RGS6: variants seen among roughly 807,000 people sequenced by gnomAD.
RGS6 encodes regulator of G protein signaling 6, also known as regulator of G-protein signaling 6.
Under a neutral mutation model 78.5 loss-of-function variants are expected in RGS6, and 30 were observed. That is an observed-to-expected ratio of 0.38 (90% CI 0.29 to 0.52). RGS6 has a LOEUF of 0.52. RGS6 is among the 20% of genes least tolerant of loss of function. RGS6 has a pLI of 0.85. For synonymous variants in RGS6, 206 were observed against 206.0 expected, an observed-to-expected ratio of 1.00 and a Z score of 0.00; for missense variants, 495 against 609.7, an observed-to-expected ratio of 0.81 and a Z score of 1.98.
intron 2 of RGS6, among the ~76,000 whole-genome samples, chr14:72,313,495 A>G (rs973561142): frequency 6.6e-6 from 1 of 151,874 alleles, no homozygotes; most frequent in African/African-American, 2.4e-5. Flanking sequence ...AATCCCTGGG[A>G]GGGGGGGCTT....
At chr14:72,013,883 G>A (rs41488847) in intron 2 of RGS6, among the ~76,000 whole-genome samples, 11,937 of 152,128 alleles carry the variant, frequency 0.078, 1,079 homozygotes, top group East Asian at 0.21. Flanking sequence ...CCCTTACTCC[G>A]TGCTGGTCGT....
intron 2 of RGS6, among the ~76,000 whole-genome samples, chr14:72,275,249 C>T (rs1455200503): frequency 6.6e-6 from 1 of 152,116 alleles, no homozygotes; most frequent in Non-Finnish European, 1.5e-5. Context: ...TTAAATGACA[C>T]AATAATTAGA....
chr14:72,474,080 G>A lies in RGS6; in HGVS notation c.619-545G>A, dbSNP rs1040739088. ...GAAACACACATATCAGGCTACTCAA[G>A]GTACAACTACTGAGTAAGGAGTTAT... On this transcript the variant is annotated intron_variant, in intron 9 of 17. Coordinates refer to ENST00000553525, the MANE Select transcript of RGS6 (RefSeq NM_001204424.2). The A allele has an allele frequency of 2.6e-5, 4 of 152,280 alleles. 1 individual carries two copies. Among genetic ancestry groups the A allele is most frequent in the African/African-American group, 9.6e-5 (4 of 41,534 alleles). 9.4% of individuals were successfully genotyped at this position (152,280 alleles called of 1,614,324 possible). A position where few individuals can be genotyped will look rare whatever the true frequency, so the allele number is the denominator to read the frequency against.
intron 2 of RGS6, among the ~76,000 whole-genome samples, chr14:72,231,140 A>C (rs533428833): frequency 6.6e-6 from 1 of 152,290 alleles, no homozygotes; most frequent in South Asian, 2.1e-4. Context: ...ATGGTGGACA[A>C]AGTCCCTCAG....
chr14:72,381,313 C>CA (rs946462463), intron 3 of RGS6, among the ~76,000 whole-genome samples: 6 of 151,680 alleles, frequency 4.0e-5, no homozygotes, highest in Non-Finnish European at 8.8e-5. Context: ...GTTTTCAACA[C>CA]AAAAAAAGAT....
At chr14:71,968,064 A>G (rs1264383009) in intron 2 of RGS6, among the ~76,000 whole-genome samples, 2 of 152,194 alleles carry the variant, frequency 1.3e-5, no homozygotes, top group Non-Finnish European at 2.9e-5. Context: ...TGTATTGGTC[A>G]CATTAAAGAT....
At chr14:71,883,774 A>G in the RGS6 span, among the ~76,000 whole-genome samples, 4 of 152,258 alleles carry the variant, frequency 2.6e-5, no homozygotes, top group Non-Finnish European at 5.9e-5. Context: ...ATGTATTAGC[A>G]TGCTAAAAGA....
rs543158607 is a variant in RGS6, at chr14:72,453,187, C to T, written c.185-1341C>T. On this transcript the variant is annotated intron_variant, in intron 3 of 17. Coordinates refer to ENST00000553525, the MANE Select transcript of RGS6 (RefSeq NM_001204424.2). ...TTCAGATAAATCAAGGCTGATTTAACTGGGTCAGGCTGGGTAGGGGGGAGT... is the reference window on the plus strand; with the variant it reads ...TTCAGATAAATCAAGGCTGATTTAATTGGGTCAGGCTGGGTAGGGGGGAGT... Among the ~76,000 whole-genome samples, 3 of 152,214 alleles carry T rather than the reference C, an allele frequency of 2.0e-5. No individual in the cohort carries two copies. The South Asian group carries it at 6.2e-4, about 32-fold the overall frequency.
At chr14:72,551,561 C>G (rs1355208118) in intron 17 of RGS6, among the ~76,000 whole-genome samples, 1 of 152,146 alleles carries the variant, frequency 6.6e-6, no homozygotes, top group Non-Finnish European at 1.5e-5. Context: ...CTCGTGTGAC[C>G]CCTTGAGAAC....
intron 3 of RGS6, among the ~76,000 whole-genome samples, chr14:72,396,977 A>G (rs571282527): frequency 1.7e-4 from 26 of 152,290 alleles, no homozygotes; most frequent in South Asian, 1.2e-3. Context: ...GTCAGGTAGC[A>G]TGATGCCTCC....
intron 2 of RGS6, among the ~76,000 whole-genome samples, chr14:72,178,228 A>G (rs1284337582): frequency 6.6e-6 from 1 of 152,154 alleles, no homozygotes; most frequent in Non-Finnish European, 1.5e-5. Flanking sequence ...GCTATCTCTC[A>G]TACTCTTCCA....
chr14:72,406,240 C>T (rs1311507551), intron 3 of RGS6, among the ~76,000 whole-genome samples: 1 of 151,990 alleles, frequency 6.6e-6, no homozygotes, highest in Non-Finnish European at 1.5e-5. Context: ...AAAAATCAGC[C>T]GGGCGCAGTG....
intron 2 of RGS6, among the ~76,000 whole-genome samples, chr14:72,049,263 G>A (rs954121010): frequency 2.0e-5 from 3 of 152,150 alleles, no homozygotes; most frequent in African/African-American, 7.2e-5. Context: ...GAGGAATATG[G>A]GAGTAGGAAA....
In RGS6 at chr14:72,035,498, C is replaced by T. The variant is rs553757526; in HGVS notation, c.84+70623C>T. Among the ~76,000 whole-genome samples the T allele has an allele frequency of 7.3e-5, 11 of 151,408 alleles. 1 individual carries two copies. The South Asian group carries it at 2.3e-3, about 32-fold the overall frequency. Reference sequence around the variant, plus strand: ...TTTTTACTCTAGTCTTTATTATTTCCCTCTTTCTCGCAACTTTGGGTTTAG... The same window carrying T: ...TTTTTACTCTAGTCTTTATTATTTCTCTCTTTCTCGCAACTTTGGGTTTAG... On this transcript the variant is annotated intron_variant, in intron 2 of 17. Coordinates refer to ENST00000553525, the MANE Select transcript of RGS6 (RefSeq NM_001204424.2).
At chr14:72,085,853 C>CAAAA (rs35951230) in intron 2 of RGS6, among the ~76,000 whole-genome samples, 27 of 72,704 alleles carry the variant, frequency 3.7e-4, no homozygotes, top group East Asian at 5.1e-4. Flanking sequence ...GACACCATCT[C>CAAAA]AAAAAAAAAA....
At chr14:72,490,454 A>G (rs1253499403) in intron 12 of RGS6, among the ~76,000 whole-genome samples, 1 of 152,216 alleles carries the variant, frequency 6.6e-6, no homozygotes, top group East Asian at 1.9e-4. Context: ...GCCTGGCCCC[A>G]GGGAAGATGC....
At chr14:72,503,516 A>G (rs1399315970) in intron 13 of RGS6, among the ~76,000 whole-genome samples, 4 of 152,176 alleles carry the variant, frequency 2.6e-5, no homozygotes, top group Non-Finnish European at 1.5e-5. Flanking sequence ...CAAACAAGTT[A>G]TGTGCTTCCA....
At chr14:72,145,899 A>G (rs1314005680) in intron 2 of RGS6, among the ~76,000 whole-genome samples, 3 of 152,240 alleles carry the variant, frequency 2.0e-5, no homozygotes, top group Non-Finnish European at 4.4e-5. Context: ...TGGAAGTGAT[A>G]TTTAAGGGAA....
At chr14:72,547,582 T>C (rs2097427225) in intron 17 of RGS6, among the ~76,000 whole-genome samples, 1 of 152,218 alleles carries the variant, frequency 6.6e-6, no homozygotes, top group Non-Finnish European at 1.5e-5. Flanking sequence ...AATGGGACAC[T>C]GCCGGGGGTG....
Sources: allele counts gnomAD v4.1 joint callset (sites outside exome capture counted in the v4.1 genomes callset), GRCh38; gene constraint gnomAD v4.1.1; transcripts MANE v1.5; gene names NCBI Gene and HGNC (gene_info 2026-07-23, HGNC 2026-07-21).